The following PCDH15 variants were observed in gnomAD, a reference collection of about 807,000 sequenced individuals.
The protein encoded by PCDH15 is protocadherin related 15, also known as protocadherin-15.
PCDH15 carries 129 observed loss-of-function variants against 178.5 expected under a neutral mutation model. The observed-to-expected ratio is 0.72, with a 90% CI of 0.63 to 0.84. The LOEUF (loss-of-function observed/expected upper bound fraction) is 0.84. Among genes scored for constraint, PCDH15 ranks in the 40% least tolerant of loss-of-function variants. The pLI, the probability that PCDH15 is intolerant of heterozygous loss-of-function variation, is 0.00. For synonymous variants in PCDH15, 800 were observed against 732.0 expected (o/e 1.09, Z -1.50); for missense variants, 2,230 against 2,099.9 (o/e 1.06, Z -1.21).
chr10:55,494,169 T>C (rs187072645), intron 2 of PCDH15, among the ~76,000 whole-genome samples: 51 of 151,926 alleles, frequency 3.4e-4, no homozygotes, highest in Admixed American at 1.2e-3. Context: ...TTCATTTTCT[T>C]GTCAATCTTC....
chr10:54,694,357 T>G lies in PCDH15; in HGVS notation c.-28-30067A>C, dbSNP rs543223560. On this transcript the variant is annotated intron_variant, in intron 1 of 37. Transcript: ENST00000644397. ...GTCGAGAGACAATGAGACAAATACC[T>G]TTTTTATTCAAGTTTTAAGAAAAAT... Among the ~76,000 whole-genome samples the G allele has an allele frequency of 7.9e-5, 12 of 152,252 alleles. No individual in the cohort carries two copies. The South Asian group carries it at 2.5e-3, about 32-fold the overall frequency.
intron 2 of PCDH15, among the ~76,000 whole-genome samples, chr10:55,551,507 A>T (rs1842002791): frequency 6.6e-6 from 1 of 151,854 alleles, no homozygotes; most frequent in Admixed American, 6.6e-5. Context: ...TAATTTGTCA[A>T]TTTGAGGAAA....
At chr10:53,809,368 C>A (rs748726508) in intron 37 of PCDH15, 10 of 1,613,940 alleles carry the variant, frequency 6.2e-6, no homozygotes, top group Non-Finnish European at 8.5e-6. Flanking sequence ...GTCAACGATT[C>A]CTCTTTTATC....
chr10:54,655,534 T>C (rs185972983), intron 2 of PCDH15: 1 of 152,112 alleles, frequency 6.6e-6, no homozygotes, highest in African/African-American at 2.4e-5. Flanking sequence ...AGTACCTTTT[T>C]TCTTCTCTCT....
chr10:54,244,270 T>C (rs2055700569), intron 8 of PCDH15, among the ~76,000 whole-genome samples: 2 of 152,162 alleles, frequency 1.3e-5, no homozygotes, highest in South Asian at 4.1e-4. Context: ...CTCAATTGCA[T>C]ATTTGAATAC....
intron 25 of PCDH15, among the ~76,000 whole-genome samples, chr10:53,927,953 A>T (rs1018014787): frequency 6.6e-6 from 1 of 152,144 alleles, no homozygotes; most frequent in African/African-American, 2.4e-5. Flanking sequence ...CTTGTAGAAT[A>T]ATTGAGTTGA....
intron 21 of PCDH15, among the ~76,000 whole-genome samples, chr10:53,984,023 C>T (rs148648063): frequency 7.9e-5 from 12 of 152,030 alleles, no homozygotes; most frequent in African/African-American, 1.9e-4. Flanking sequence ...TTCAGACCTC[C>T]GCTCAGAATC....
chr10:54,679,189 CAA>C (rs10709982), intron 1 of PCDH15, among the ~76,000 whole-genome samples: 1,944 of 71,264 alleles, frequency 0.027, 11 homozygotes, highest in African/African-American at 0.091. Context: ...GACTCCGTCT[CAA>C]AAAAAAAAAA....
chr10:54,545,757 A>G (rs1034437136), intron 2 of PCDH15, among the ~76,000 whole-genome samples: 5 of 152,228 alleles, frequency 3.3e-5, no homozygotes, highest in African/African-American at 1.2e-4. Context: ...TTAAATCATT[A>G]TGATTTAAAC....
At chr10:54,582,578 T>C (rs1429438023) in intron 2 of PCDH15, among the ~76,000 whole-genome samples, 3 of 152,030 alleles carry the variant, frequency 2.0e-5, no homozygotes, top group African/African-American at 7.2e-5. Flanking sequence ...CAATACAATA[T>C]GAAATATAAA....
intron 26 of PCDH15, among the ~76,000 whole-genome samples, chr10:53,886,939 A>G (rs1208616057): frequency 6.6e-6 from 1 of 152,022 alleles, no homozygotes; most frequent in African/African-American, 2.4e-5. Context: ...TCAACGCCCT[A>G]TATTATAAAA....
chr10:54,280,207 G>A (rs1037253860), intron 8 of PCDH15, among the ~76,000 whole-genome samples: 10 of 151,326 alleles, frequency 6.6e-5, no homozygotes, highest in African/African-American at 2.2e-4. Context: ...AAGTAACTTC[G>A]CATTTTAGAA....
intron 1 of PCDH15, among the ~76,000 whole-genome samples, chr10:54,798,843 G>A (rs1431389975): frequency 6.6e-6 from 1 of 152,004 alleles, no homozygotes; most frequent in Admixed American, 6.6e-5. Flanking sequence ...TAATATAACA[G>A]CTCGTTTATG....
At chr10:53,937,911 T>C (rs1490700497) in intron 25 of PCDH15, among the ~76,000 whole-genome samples, 2 of 152,130 alleles carry the variant, frequency 1.3e-5, no homozygotes, top group African/African-American at 4.8e-5. Context: ...CCTGGGTGAA[T>C]GTTTCAGATC....
chr10:55,446,802 T>C (rs997262555), intron 2 of PCDH15, among the ~76,000 whole-genome samples: 2 of 152,118 alleles, frequency 1.3e-5, no homozygotes, highest in Non-Finnish European at 2.9e-5. Context: ...GAGACATATA[T>C]GGTGCTGAGT....
rs534369152 is a variant in PCDH15, at chr10:53,973,077, G to A, written c.2869-11185C>T. On this transcript the variant is annotated intron_variant, in intron 21 of 37. Coordinates refer to ENST00000644397, the MANE Select transcript of PCDH15 (RefSeq NM_001384140.1). ...CAATGATAGACCGGATTAAGAAAAT[G>A]TGGCACATATACACCATGGAATACT... Among the ~76,000 whole-genome samples the A allele has an allele frequency of 2.0e-5, 3 of 152,250 alleles. No individual in the cohort carries two copies. In the South Asian group the frequency reaches 6.2e-4, roughly 32 times the overall value.
intron 8 of PCDH15, among the ~76,000 whole-genome samples, chr10:54,241,089 T>A (rs749497759): frequency 6.6e-6 from 1 of 152,160 alleles, no homozygotes; most frequent in Non-Finnish European, 1.5e-5. Context: ...TCCAAAGAGA[T>A]CACTACTCTC....
intron 28 of PCDH15, among the ~76,000 whole-genome samples, chr10:53,855,112 CAA>C (rs2078637090): frequency 6.6e-6 from 1 of 151,966 alleles, no homozygotes. Context: ...TAAAATGTAT[CAA>C]GTGTCTACTA....
chr10:54,185,345 T>G (rs2048395163), intron 11 of PCDH15, 77 bp from the exon 12 acceptor site: 1 of 1,531,862 alleles, frequency 6.5e-7, no homozygotes, highest in African/African-American at 1.4e-5. Flanking sequence ...AAGTTAATGT[T>G]TGAAATTTAT....
Sources: allele counts gnomAD v4.1 joint callset (sites outside exome capture counted in the v4.1 genomes callset), GRCh38; gene constraint gnomAD v4.1.1; transcripts MANE v1.5; gene names NCBI Gene and HGNC (gene_info 2026-07-23, HGNC 2026-07-21).